ARHGAP15: variants seen among roughly 807,000 people sequenced by gnomAD.
The protein encoded by ARHGAP15 is Rho GTPase activating protein 15, also known as rho GTPase-activating protein 15.
ARHGAP15 carries 51 observed loss-of-function variants against 63.7 expected under a neutral mutation model. The ratio of observed to expected loss-of-function variants is 0.80; its 90% CI spans 0.64 to 1.01. The LOEUF (loss-of-function observed/expected upper bound fraction) is 1.01, where lower values mean the gene tolerates loss of function less well. ARHGAP15 is among the 50% of genes least tolerant of loss of function. The pLI, the probability that ARHGAP15 is intolerant of heterozygous loss-of-function variation, is 0.00. For synonymous variants in ARHGAP15, 191 were observed against 193.8 expected (o/e 0.99, Z 0.12); for missense variants, 560 against 564.6 (o/e 0.99, Z 0.08).
chr2:143,763,003 T>C (rs117249280), intron 13 of ARHGAP15, among the ~76,000 whole-genome samples: 2 of 152,286 alleles, frequency 1.3e-5, no homozygotes, highest in East Asian at 3.9e-4. Context: ...CCATCTAAGA[T>C]ACTAAATTGA....
rs188893754 is a variant in ARHGAP15 at position 143,232,063 on chromosome 2, T to C, written c.384+3395T>C. Among the ~76,000 whole-genome samples the C allele has an allele frequency of 4.2e-4, 64 of 152,310 alleles. 1 individual carries two copies. Among genetic ancestry groups the C allele is most frequent in the Non-Finnish European group, 8.8e-5 (6 of 68,022 alleles). ...TAAAAATATCCAAGTCACATTTTTA[T>C]CAAAAGCAGCCTTACTGTGCAAATA... On this transcript the variant is annotated intron_variant, in intron 5 of 13. Transcript: ENST00000295095.
chr2:143,280,884 T>C (rs1175182075), intron 6 of ARHGAP15, among the ~76,000 whole-genome samples: 1 of 152,126 alleles, frequency 6.6e-6, no homozygotes, highest in Non-Finnish European at 1.5e-5. Context: ...AAAGTATCTA[T>C]AGTTTTAGAT....
chr2:143,353,416 A>G (rs1685663778), intron 6 of ARHGAP15, among the ~76,000 whole-genome samples: 1 of 152,228 alleles, frequency 6.6e-6, no homozygotes, highest in African/African-American at 2.4e-5. Flanking sequence ...GGGAAAATGC[A>G]ACTGTATACT....
intron 13 of ARHGAP15, among the ~76,000 whole-genome samples, chr2:143,765,512 C>T (rs558413489): frequency 1.3e-5 from 2 of 152,216 alleles, no homozygotes; most frequent in South Asian, 2.1e-4. Context: ...CAACAGTGCT[C>T]ACAGGTACAA....
chr2:143,276,675 G>A (rs1022012997), intron 6 of ARHGAP15, among the ~76,000 whole-genome samples: 3 of 152,144 alleles, frequency 2.0e-5, no homozygotes, highest in Non-Finnish European at 4.4e-5. Context: ...GCTCACATCT[G>A]TAGTTTTAGC....
chr2:143,240,182 A>T (rs1693813945), intron 5 of ARHGAP15, among the ~76,000 whole-genome samples: 1 of 150,600 alleles, frequency 6.6e-6, no homozygotes, highest in South Asian at 2.1e-4. Context: ...TCTCTAAAAA[A>T]ATAAAACAAA....
At chr2:143,534,990 A>G (rs1416551142) in intron 10 of ARHGAP15, among the ~76,000 whole-genome samples, 1 of 152,216 alleles carries the variant, frequency 6.6e-6, no homozygotes, top group East Asian at 1.9e-4. Flanking sequence ...TTCCCTGAAG[A>G]TGTTATTTTT....
At position 143,590,462 on chromosome 2, in the gene ARHGAP15, A is replaced by G. The variant is rs537427832; in HGVS notation, c.1004-33671A>G. ...AGTTTAATAACTGCTGTGTGAGTAT[A>G]GGGATAAATGAAAAGATTTGGGACA... is the stretch of plus-strand genomic sequence containing the variant. On this transcript the variant is annotated intron_variant, in intron 11 of 13. Coordinates refer to ENST00000295095, the MANE Select transcript of ARHGAP15 (RefSeq NM_018460.4). Among the ~76,000 whole-genome samples the G allele has an allele frequency of 3.3e-5, 5 of 152,306 alleles. No individual in the cohort carries two copies. In the East Asian group the frequency reaches 5.8e-4, roughly 18 times the overall value.
chr2:143,732,971 C>A (rs1395817452), intron 13 of ARHGAP15, among the ~76,000 whole-genome samples: 1 of 139,976 alleles, frequency 7.1e-6, no homozygotes, highest in African/African-American at 2.7e-5. Context: ...CCATCACTGA[C>A]ACACAATTAT....
At chr2:143,355,857 T>G (rs1685786591) in intron 6 of ARHGAP15, among the ~76,000 whole-genome samples, 1 of 152,170 alleles carries the variant, frequency 6.6e-6, no homozygotes, top group Admixed American at 6.5e-5. Context: ...AATTAAAGGA[T>G]GAAGAAGAGA....
At chr2:143,625,126 AAAGAAAG>A (rs1698786491) in intron 12 of ARHGAP15, among the ~76,000 whole-genome samples, 1 of 152,176 alleles carries the variant, frequency 6.6e-6, no homozygotes, top group South Asian at 2.1e-4. Flanking sequence ...TAAGGAAGAA[AAAGAAAG>A]AAGAAAGAAA....
At chr2:143,346,220 T>TCTCA (rs201454435) in intron 6 of ARHGAP15, among the ~76,000 whole-genome samples, 17,166 of 122,682 alleles carry the variant, frequency 0.14, 1,142 homozygotes, top group Non-Finnish European at 0.15. Flanking sequence ...ACACTCTCTC[T>TCTCA]CACACACACT....
Position 143,429,671 on chromosome 2 carries a change from G to A in ARHGAP15, c.475-5930G>A, listed in dbSNP as rs114604331. ...ATGAACGCACATTTGTTAACATAGGGGGAGTTGTGGAAATGCTGAGATCCA... is the reference window on the plus strand; with the variant it reads ...ATGAACGCACATTTGTTAACATAGGAGGAGTTGTGGAAATGCTGAGATCCA... On this transcript the variant is annotated intron_variant, in intron 6 of 13. Coordinates refer to ENST00000295095, the MANE Select transcript of ARHGAP15 (RefSeq NM_018460.4). 1.7e-3 allele frequency among the ~76,000 whole-genome samples: 266 copies of A among 152,134 alleles called. 1 individual carries two copies. Among genetic ancestry groups the A allele is most frequent in the Middle Eastern group, 6.8e-3 (2 of 294 alleles).
At chr2:143,763,051 C>A (rs1686817040) in intron 13 of ARHGAP15, among the ~76,000 whole-genome samples, 1 of 152,042 alleles carries the variant, frequency 6.6e-6, no homozygotes, top group African/African-American at 2.4e-5. Context: ...TTTCTTCCAG[C>A]AGCCTATATT....
chr2:143,497,623 A>AG (rs1448213532), intron 9 of ARHGAP15, among the ~76,000 whole-genome samples: 2 of 152,160 alleles, frequency 1.3e-5, no homozygotes, highest in Non-Finnish European at 2.9e-5. Flanking sequence ...CAGTATCCAA[A>AG]GCCAGTGCTG....
chr2:143,525,355 C>CA lies in ARHGAP15; in HGVS notation c.925+6005dup, dbSNP rs11291093. Among the ~76,000 whole-genome samples, 399 of 139,470 alleles carry CA rather than the reference C, an allele frequency of 2.9e-3. 2 individuals are homozygous for CA. The highest frequency in any genetic ancestry group is 7.8e-3 in the African/African-American group (292 of 37,256). The allele number at this position is 139,470 out of a possible 152,430, so 91.5% of individuals were successfully genotyped here. Reference sequence around the variant, plus strand: ...ACAAACTGATAAAAATTACATGCTCCAAAAAAAAAAAAAATCAAGAGTACA... The same window carrying CA: ...ACAAACTGATAAAAATTACATGCTCCAAAAAAAAAAAAAAATCAAGAGTACA... On this transcript the variant is annotated intron_variant, in intron 10 of 13. Transcript: ENST00000295095.
At chr2:143,214,613 G>A (rs1194880155) in intron 3 of ARHGAP15, among the ~76,000 whole-genome samples, 2 of 152,178 alleles carry the variant, frequency 1.3e-5, no homozygotes, top group Non-Finnish European at 2.9e-5. Flanking sequence ...CTTAGATGCT[G>A]TAGAGTTGTG....
At chr2:143,564,809 G>A (rs977516488) in intron 11 of ARHGAP15, among the ~76,000 whole-genome samples, 3 of 152,026 alleles carry the variant, frequency 2.0e-5, no homozygotes, top group African/African-American at 7.2e-5. Flanking sequence ...TTAAAATTAC[G>A]CATTTTACCA....
intron 6 of ARHGAP15, among the ~76,000 whole-genome samples, chr2:143,288,713 C>T (rs1682239494): frequency 6.6e-6 from 1 of 151,532 alleles, no homozygotes; most frequent in Non-Finnish European, 1.5e-5. Flanking sequence ...GGGCAAAATC[C>T]CTAAGATCTT....
Sources: allele counts gnomAD v4.1 joint callset (sites outside exome capture counted in the v4.1 genomes callset), GRCh38; gene constraint gnomAD v4.1.1; transcripts MANE v1.5; gene names NCBI Gene and HGNC (gene_info 2026-07-23, HGNC 2026-07-21).